Variants in DPY19L1 observed in about 807,000 individuals in gnomAD.
The protein encoded by DPY19L1 is dpy-19 like C-mannosyltransferase 1.
In DPY19L1, 35 loss-of-function variants were observed where a neutral mutation model predicts 96.9. That is an observed-to-expected ratio of 0.36 (90% CI 0.28 to 0.48). The LOEUF is 0.48. Among genes scored for constraint, DPY19L1 ranks in the 20% least tolerant of loss-of-function variants. The pLI, the probability that DPY19L1 is intolerant of heterozygous loss-of-function variation, is 0.99. For synonymous variants in DPY19L1, 205 were observed against 252.6 expected (o/e 0.81, Z 1.79); for missense variants, 521 against 777.9 (o/e 0.67, Z 3.93).
intron 7 of DPY19L1, among the ~76,000 whole-genome samples, chr7:34,973,812 A>C (rs1784778096): frequency 6.6e-6 from 1 of 152,080 alleles, no homozygotes; most frequent in South Asian, 2.1e-4. Flanking sequence ...AAGATCATGT[A>C]AAGCATTAAT....
In DPY19L1 at chr7:34,978,106, T is replaced by C. The variant is rs529844905; in HGVS notation, c.823-4501A>G. Among the ~76,000 whole-genome samples the C allele has an allele frequency of 1.6e-3, 238 of 152,252 alleles. 2 individuals are homozygous for C. Among genetic ancestry groups the C allele is most frequent in the African/African-American group, 5.3e-3 (221 of 41,576 alleles). ...ATTTTCAAACTATTAACTTATAATA[T>C]TGGGAATACAGTATGATCTAATTGA... On this transcript the variant is annotated intron_variant, in intron 7 of 21. Coordinates refer to ENST00000638088, the MANE Select transcript of DPY19L1 (RefSeq NM_001366673.1).
chr7:34,992,871 G>C (rs1306976847), intron 6 of DPY19L1, among the ~76,000 whole-genome samples: 1 of 151,914 alleles, frequency 6.6e-6, no homozygotes, highest in African/African-American at 2.4e-5. Flanking sequence ...TCAAACTGCT[G>C]TGACTATGTG....
At chr7:35,034,583 T>G (rs1330115313) in intron 1 of DPY19L1, among the ~76,000 whole-genome samples, 4 of 152,192 alleles carry the variant, frequency 2.6e-5, no homozygotes, top group African/African-American at 9.6e-5. Flanking sequence ...AAGAGACTTT[T>G]CAACAATGCT....
At chr7:34,970,865 A>C (rs1245209190) in intron 8 of DPY19L1, among the ~76,000 whole-genome samples, 1 of 151,914 alleles carries the variant, frequency 6.6e-6, no homozygotes, top group Non-Finnish European at 1.5e-5. Flanking sequence ...AAAAAAGCTA[A>C]GAACAACCAA....
At chr7:34,975,470 G>A (rs557176647) in intron 7 of DPY19L1, among the ~76,000 whole-genome samples, 1 of 152,334 alleles carries the variant, frequency 6.6e-6, no homozygotes, top group East Asian at 1.9e-4. Flanking sequence ...GTTGGTTCAT[G>A]AGGTTTAAGG....
intron 7 of DPY19L1, among the ~76,000 whole-genome samples, chr7:34,983,859 C>T (rs1199931466): frequency 1.3e-5 from 2 of 152,008 alleles, no homozygotes; most frequent in Non-Finnish European, 2.9e-5. Flanking sequence ...TAAAAACCAA[C>T]CCAGAAAACA....
intron 14 of DPY19L1, among the ~76,000 whole-genome samples, chr7:34,948,817 C>CA (rs1171113043): frequency 2.4e-4 from 37 of 152,330 alleles, no homozygotes; most frequent in African/African-American, 8.9e-4. Context: ...CACTGTGTGT[C>CA]AAAACCATTT....
chr7:34,997,436 C>CAAAAA (rs397836742), intron 6 of DPY19L1, among the ~76,000 whole-genome samples: 35 of 91,950 alleles, frequency 3.8e-4, no homozygotes, highest in Non-Finnish European at 4.7e-4. Flanking sequence ...ACTAAAAATA[C>CAAAAA]AAAAAAAAAA....
chr7:35,006,317 C>T (rs1462607762), intron 6 of DPY19L1, among the ~76,000 whole-genome samples: 1 of 152,308 alleles, frequency 6.6e-6, no homozygotes, highest in Non-Finnish European at 1.5e-5. Context: ...TAAAATCACA[C>T]TAAAGTGCAA....
At chr7:34,967,260 T>C (rs1272517739) in intron 9 of DPY19L1, among the ~76,000 whole-genome samples, 1 of 152,154 alleles carries the variant, frequency 6.6e-6, no homozygotes, top group Non-Finnish European at 1.5e-5. Context: ...ACTGTCAACA[T>C]GTACAATTAA....
chr7:35,025,534 C>G (rs1284681359), intron 1 of DPY19L1, among the ~76,000 whole-genome samples: 3 of 152,030 alleles, frequency 2.0e-5, no homozygotes, highest in Non-Finnish European at 2.9e-5. Context: ...GTAGCAGCCT[C>G]AAGACATGGA....
intron 10 of DPY19L1, among the ~76,000 whole-genome samples, chr7:34,966,453 A>G (rs1320356213): frequency 9.2e-5 from 14 of 152,004 alleles, no homozygotes; most frequent in African/African-American, 3.4e-4. Context: ...ATGCATCACC[A>G]TGCTAAAATT....
rs555201036 is a variant in DPY19L1 at position 35,015,304 on chromosome 7, C to T, written c.412-1599G>A. Among the ~76,000 whole-genome samples the T allele has an allele frequency of 9.6e-4, 146 of 152,202 alleles. 1 individual carries two copies. The highest frequency in any genetic ancestry group is 3.4e-3 in the African/African-American group (140 of 41,522). ...AAGATACTGTAATTTTACTGTATAT[C>T]CCTAGTGGACTATATCCTAAGGTTA... On this transcript the variant is annotated intron_variant, in intron 3 of 21. Coordinates refer to ENST00000638088, the MANE Select transcript of DPY19L1 (RefSeq NM_001366673.1).
chr7:35,027,558 C>T (rs555481099), intron 1 of DPY19L1, among the ~76,000 whole-genome samples: 25 of 151,584 alleles, frequency 1.6e-4, no homozygotes, highest in African/African-American at 6.0e-4. Context: ...GGCCGGGCTC[C>T]ATGGCTCACG....
intron 10 of DPY19L1, 83 bp downstream of exon 10, chr7:34,966,811 T>C: frequency 8.1e-7 from 1 of 1,231,776 alleles, no homozygotes. Context: ...TTGTTACAAC[T>C]AGTTTCAACC....
chr7:35,019,366 GA>G (rs1406439802), intron 1 of DPY19L1, among the ~76,000 whole-genome samples: 3 of 152,158 alleles, frequency 2.0e-5, no homozygotes, highest in Admixed American at 2.0e-4. Flanking sequence ...TCGAGCCCAG[GA>G]ATTCAAGGCT....
At position 34,931,601 on chromosome 7, in the gene DPY19L1, T is replaced by G. The variant is rs1562796177; in HGVS notation, c.2219A>C (p.Tyr740Ser). The G allele has an allele frequency of 6.4e-7, 1 of 1,550,996 alleles. No individual in the cohort carries two copies. The change falls in exon 22 of 22, where the codon TAC becomes TCC. Residue 740 changes from tyrosine (Y) to serine (S), a missense_variant. Tyr to Ser is a moderately radical substitution (Grantham distance 144). Transcript: ENST00000638088. ...HFTTVFQNSV[Y>S]KVLEVVKE ...TTCTTTTACAACTTCTAGGACTTTG[T>G]AAACACTGTTCTGGAATACAGTGGT...
chr7:34,932,972 T>C (rs1783787514), intron 21 of DPY19L1, among the ~76,000 whole-genome samples: 2 of 152,118 alleles, frequency 1.3e-5, no homozygotes, highest in African/African-American at 2.4e-5. Flanking sequence ...TGTACATCAT[T>C]TTCCCTTTTT....
At chr7:35,005,545 T>C (rs1785531908) in intron 6 of DPY19L1, among the ~76,000 whole-genome samples, 1 of 146,376 alleles carries the variant, frequency 6.8e-6, no homozygotes, top group Admixed American at 7.0e-5. Context: ...ACACCTGTAA[T>C]CCCAGCATTT....
Sources: allele counts gnomAD v4.1 joint callset (sites outside exome capture counted in the v4.1 genomes callset), GRCh38; gene constraint gnomAD v4.1.1; transcripts MANE v1.5; gene names NCBI Gene and HGNC (gene_info 2026-07-23, HGNC 2026-07-21).